The following TPRG1 variants were observed in gnomAD, a reference collection of about 807,000 sequenced individuals.
The protein encoded by TPRG1 is tumor protein p63-regulated gene 1 protein.
In TPRG1, 29 loss-of-function variants were observed where a neutral mutation model predicts 29.3. The ratio of observed to expected loss-of-function variants is 0.99; its 90% CI spans 0.74 to 1.35. The LOEUF is 1.35. TPRG1 is among the 40% of genes most tolerant of loss of function. TPRG1 has a pLI of 0.00. For missense variants in TPRG1, 327 were observed against 335.0 expected, an observed-to-expected ratio of 0.98 and a Z score of 0.19; for synonymous variants, 130 against 116.8, an observed-to-expected ratio of 1.11 and a Z score of -0.73.
chr3:189,138,886 C>T (rs907752970), intron 3 of TPRG1, among the ~76,000 whole-genome samples: 1 of 152,092 alleles, frequency 6.6e-6, no homozygotes, highest in Non-Finnish European at 1.5e-5. Flanking sequence ...TCAGGGAGGG[C>T]TCTAGGTGAA....
chr3:189,064,459 A>G (rs1716307194), intron 4 of TPRG1, among the ~76,000 whole-genome samples: 1 of 152,162 alleles, frequency 6.6e-6, no homozygotes, highest in African/African-American at 2.4e-5. Context: ...AATAATCTAA[A>G]TTTCTTTCAC....
intron 3 of TPRG1, among the ~76,000 whole-genome samples, chr3:189,226,197 C>T (rs1215795278): frequency 6.6e-6 from 1 of 152,162 alleles, no homozygotes. Context: ...CAGCAGAATG[C>T]ACATTCTTTT....
chr3:189,163,053 C>T (rs1727689388), intron 5 of TPRG1, among the ~76,000 whole-genome samples: 1 of 152,172 alleles, frequency 6.6e-6, no homozygotes, highest in Admixed American at 6.5e-5. Flanking sequence ...GGGTGGGTCA[C>T]CTGAGGTCAG....
rs1280985219 is a variant in TPRG1 at position 189,312,157 on chromosome 3, CTT to C, written c.633+1620_633+1621del. ...TCTTTCTTTCTTTCTTTCTTTCTTT[CTT>C]TCTTTCTTTCTTTCTTTCTTTCTTT... On this transcript the variant is annotated intron_variant, in intron 5 of 5. Transcript: ENST00000345063. 1.2e-3 allele frequency among the ~76,000 whole-genome samples: 72 copies of C among 61,952 alleles called. 1 individual carries two copies. Among genetic ancestry groups the C allele is most frequent in the South Asian group, 1.6e-3 (2 of 1,246 alleles). The allele number at this position is 61,952 out of a possible 152,430, so 40.6% of individuals were successfully genotyped here. A position where few individuals can be genotyped will look rare whatever the true frequency, so the allele number is the denominator to read the frequency against.
intron 4 of TPRG1, among the ~76,000 whole-genome samples, chr3:189,039,495 A>G (rs1185319470): frequency 6.6e-6 from 1 of 152,230 alleles, no homozygotes; most frequent in Non-Finnish European, 1.5e-5. Context: ...GGGGAAAATG[A>G]TACAATATAG....
At chr3:189,295,278 A>C (rs533944460) in intron 4 of TPRG1, among the ~76,000 whole-genome samples, 42 of 152,302 alleles carry the variant, frequency 2.8e-4, no homozygotes, top group African/African-American at 9.4e-4. Context: ...ACCTGAATGC[A>C]GAGGCATTTC....
chr3:189,286,722 G>A (rs1483641502), intron 4 of TPRG1, among the ~76,000 whole-genome samples: 5 of 152,116 alleles, frequency 3.3e-5, no homozygotes, highest in Non-Finnish European at 5.9e-5. Flanking sequence ...TTGTCAAAGA[G>A]AGAATAAGGT....
At chr3:189,201,893 C>T (rs986931242) in intron 1 of TPRG1, among the ~76,000 whole-genome samples, 2 of 152,082 alleles carry the variant, frequency 1.3e-5, no homozygotes, top group Admixed American at 6.6e-5. Context: ...TCAGGTGATC[C>T]GCCCACCTTG....
In TPRG1 at chr3:189,320,998, T is replaced by G; in HGVS notation, c.*178T>G. 1 of 493,572 alleles carries G rather than the reference T, an allele frequency of 2.0e-6. No homozygotes were observed. 30.6% of individuals were successfully genotyped at this position (493,572 alleles called of 1,614,324 possible). A position where few individuals can be genotyped will look rare whatever the true frequency, so the allele number is the denominator to read the frequency against. ...TGATTGGACTGATAGATACACACTT[T>G]AGACCTCATACAAGAATAATCAAAT... is the stretch of plus-strand genomic sequence containing the variant. On this transcript the variant is annotated 3_prime_UTR_variant, in exon 6 of 6. Coordinates refer to ENST00000345063, the MANE Select transcript of TPRG1 (RefSeq NM_198485.4).
At chr3:189,121,097 G>A (rs1426892406) in intron 1 of TPRG1, among the ~76,000 whole-genome samples, 1 of 152,112 alleles carries the variant, frequency 6.6e-6, no homozygotes, top group Non-Finnish European at 1.5e-5. Flanking sequence ...TTTTCTTAGA[G>A]GATAAAACCA....
At chr3:189,036,986 T>G (rs1560407840) in intron 4 of TPRG1, among the ~76,000 whole-genome samples, 2 of 150,310 alleles carry the variant, frequency 1.3e-5, no homozygotes, top group Non-Finnish European at 3.0e-5. Flanking sequence ...CTCCTACTCC[T>G]GCCCCACCAA....
intron 1 of TPRG1, among the ~76,000 whole-genome samples, chr3:189,189,462 T>G (rs2108735085): frequency 6.6e-6 from 1 of 152,304 alleles, no homozygotes; most frequent in African/African-American, 2.4e-5. Flanking sequence ...AATAGAATTG[T>G]TATTTTAAAA....
intron 3 of TPRG1, among the ~76,000 whole-genome samples, chr3:189,231,464 A>G (rs2108907021): frequency 6.6e-6 from 1 of 152,256 alleles, no homozygotes; most frequent in Admixed American, 6.5e-5. Flanking sequence ...CAAAGTGTTT[A>G]AGGGATTTAG....
At chr3:189,287,272 T>C (rs1047452850) in intron 4 of TPRG1, among the ~76,000 whole-genome samples, 2 of 152,112 alleles carry the variant, frequency 1.3e-5, no homozygotes, top group Admixed American at 6.6e-5. Context: ...ACTTGTCTCA[T>C]TGTCCAGACA....
chr3:189,105,175 G>A (rs138727328), intron 1 of TPRG1, among the ~76,000 whole-genome samples: 4 of 152,184 alleles, frequency 2.6e-5, no homozygotes, highest in African/African-American at 4.8e-5. Flanking sequence ...CTAATTGATC[G>A]ATAATTTGGG....
chr3:189,229,287 G>GA (rs1334944871), intron 3 of TPRG1, among the ~76,000 whole-genome samples: 1 of 150,906 alleles, frequency 6.6e-6, no homozygotes, highest in African/African-American at 2.5e-5. Flanking sequence ...AATTTGTGTG[G>GA]AAAGACCAAA....
intron 5 of TPRG1, among the ~76,000 whole-genome samples, chr3:189,313,741 C>T (rs907785001): frequency 6.6e-6 from 1 of 152,038 alleles, no homozygotes; most frequent in Admixed American, 6.6e-5. Context: ...AGAAATGAGA[C>T]AAGGTTCTTG....
At chr3:189,035,424 A>G (rs6444345) in intron 4 of TPRG1, among the ~76,000 whole-genome samples, 13,206 of 152,200 alleles carry the variant, frequency 0.087, 900 homozygotes, top group African/African-American at 0.19. Context: ...CAAAAACAAA[A>G]ATTGACAAAT....
upstream of TPRG1, among the ~76,000 whole-genome samples, chr3:189,168,475 C>T (rs1007913213): frequency 4.6e-5 from 7 of 152,102 alleles, no homozygotes; most frequent in African/African-American, 1.2e-4. Flanking sequence ...TCCACCCATC[C>T]GTCAAAGTAG....
Sources: allele counts gnomAD v4.1 joint callset (sites outside exome capture counted in the v4.1 genomes callset), GRCh38; gene constraint gnomAD v4.1.1; transcripts MANE v1.5; gene names NCBI Gene and HGNC (gene_info 2026-07-23, HGNC 2026-07-21).